Variants in RIC1 observed in about 807,000 individuals in gnomAD.
RIC1 encodes guanine nucleotide exchange factor subunit RIC1.
RIC1 carries 88 observed loss-of-function variants against 169.0 expected under a neutral mutation model. The ratio of observed to expected loss-of-function variants is 0.52; its 90% confidence interval spans 0.44 to 0.62. RIC1 has a LOEUF of 0.62. RIC1 is among the 20% of genes least tolerant of loss of function. RIC1 has a pLI of 0.00. For missense variants in RIC1, 1,877 were observed against 1,725.5 expected, an observed-to-expected ratio of 1.09 and a Z score of -1.56; for synonymous variants, 790 against 601.5, an observed-to-expected ratio of 1.31 and a Z score of -4.59.
At chr9:5,696,173 T>TA (rs1322018314) in intron 3 of RIC1, among the ~76,000 whole-genome samples, 2 of 152,126 alleles carry the variant, frequency 1.3e-5, no homozygotes, top group African/African-American at 4.8e-5. Context: ...CCTTGTCTAT[T>TA]AAAAAAGCTT....
intron 4 of RIC1, 98 bp from the exon 5 acceptor site, chr9:5,720,084 G>C: frequency 2.3e-6 from 2 of 854,314 alleles, no homozygotes; most frequent in South Asian, 2.1e-5. Flanking sequence ...ATGGTTTCAT[G>C]ATCATTTTTG....
intron 19 of RIC1, 146 bp downstream of exon 19, chr9:5,764,014 C>G (rs2131101441): frequency 1.1e-6 from 1 of 921,770 alleles, no homozygotes; most frequent in East Asian, 2.6e-5. Flanking sequence ...AGAATTCAGA[C>G]AGATTCCTTT....
chr9:5,703,430 T>C (rs946365934), intron 3 of RIC1, among the ~76,000 whole-genome samples: 3 of 152,202 alleles, frequency 2.0e-5, no homozygotes, highest in Admixed American at 1.3e-4. Context: ...TCCAGAACTT[T>C]TACATCACTC....
At chr9:5,659,790 T>C in intron 2 of RIC1, among the ~76,000 whole-genome samples, 1 of 152,200 alleles carries the variant, frequency 6.6e-6, no homozygotes, top group African/African-American at 2.4e-5. Context: ...TGGAATTGTT[T>C]TTAAGTTTCC....
chr9:5,740,709 TGATTA>T (rs1224472890), intron 8 of RIC1, among the ~76,000 whole-genome samples: 3 of 151,792 alleles, frequency 2.0e-5, no homozygotes, highest in African/African-American at 7.3e-5. Flanking sequence ...CACTGGCAGC[TGATTA>T]GATTGTGCCC....
At chr9:5,675,255 A>T (rs141206286) in intron 2 of RIC1, among the ~76,000 whole-genome samples, 6 of 152,258 alleles carry the variant, frequency 3.9e-5, no homozygotes, top group African/African-American at 1.4e-4. Context: ...GGAAATTGGA[A>T]TGAGTCAGGG....
chr9:5,673,541 T>TAC (rs955290602), intron 2 of RIC1, among the ~76,000 whole-genome samples: 1 of 143,276 alleles, frequency 7.0e-6, no homozygotes, highest in African/African-American at 2.7e-5. Flanking sequence ...AGGAGATATA[T>TAC]ATATATATAT....
intron 2 of RIC1, among the ~76,000 whole-genome samples, chr9:5,685,467 C>A (rs1416585329): frequency 6.7e-6 from 1 of 149,138 alleles, no homozygotes; most frequent in Admixed American, 6.7e-5. Context: ...TCAGAAATAA[C>A]GCCACATACC....
At chr9:5,730,245 CT>C (rs1470602175) in intron 6 of RIC1, among the ~76,000 whole-genome samples, 1 of 152,056 alleles carries the variant, frequency 6.6e-6, no homozygotes, top group Non-Finnish European at 1.5e-5. Flanking sequence ...CTCCTGAGGA[CT>C]AAAAGAGCTG....
chr9:5,655,694 G>A (rs758788925), intron 1 of RIC1, among the ~76,000 whole-genome samples: 1 of 152,144 alleles, frequency 6.6e-6, no homozygotes, highest in African/African-American at 2.4e-5. Flanking sequence ...GCCTGTTGAT[G>A]TGATGGATTA....
chr9:5,651,072 G>A lies in RIC1; in HGVS notation c.145-5511G>A, dbSNP rs139108881. Among the ~76,000 whole-genome samples, 581 of 152,286 alleles carry A rather than the reference G, an allele frequency of 3.8e-3. 1 individual carries two copies. The highest frequency in any genetic ancestry group is 0.013 in the African/African-American group (556 of 41,546). On this transcript the variant is annotated intron_variant, in intron 1 of 25. Coordinates refer to ENST00000414202, the MANE Select transcript of RIC1 (RefSeq NM_020829.4). ...CAGTGTGAGCTCTCTCTCTGGAGCAGTGTCATCACATGGTCTCTAAGAAGT... is the reference window on the plus strand; with the variant it reads ...CAGTGTGAGCTCTCTCTCTGGAGCAATGTCATCACATGGTCTCTAAGAAGT...
intron 2 of RIC1, among the ~76,000 whole-genome samples, chr9:5,686,492 T>C (rs534933937): frequency 3.0e-4 from 46 of 151,788 alleles, no homozygotes; most frequent in African/African-American, 1.0e-3. Flanking sequence ...ATGGATGAAA[T>C]TGGAAATCAT....
chr9:5,754,732 AAAT>A (rs1431233466), intron 14 of RIC1, 106 bp from the exon 15 acceptor site: 4 of 646,716 alleles, frequency 6.2e-6, no homozygotes, highest in African/African-American at 1.8e-5. Context: ...CTGTCTCAAA[AAAT>A]AATAATAATT....
intron 3 of RIC1, among the ~76,000 whole-genome samples, chr9:5,712,346 A>G (rs565532916): frequency 5.3e-5 from 8 of 152,228 alleles, no homozygotes; most frequent in South Asian, 2.1e-4. Context: ...GCATTTTTTC[A>G]TGTGTCTGTT....
At chr9:5,658,774 C>T (rs1261131576) in intron 2 of RIC1, among the ~76,000 whole-genome samples, 4 of 151,364 alleles carry the variant, frequency 2.6e-5, no homozygotes, top group Non-Finnish European at 5.9e-5. Context: ...TGCCCTCCTC[C>T]ACAGCTGTTA....
At chr9:5,672,201 C>T (rs538840845) in intron 2 of RIC1, among the ~76,000 whole-genome samples, 3 of 152,268 alleles carry the variant, frequency 2.0e-5, no homozygotes, top group African/African-American at 7.2e-5. Flanking sequence ...CAGATACCCA[C>T]ATCAAAGCCT....
At chr9:5,719,180 GGTTGTCT>G (rs1823442625) in intron 4 of RIC1, 1 of 152,046 alleles carries the variant, frequency 6.6e-6, no homozygotes, top group Admixed American at 6.5e-5. Context: ...TGGTTTCCCT[GGTTGTCT>G]TTTTCTTTGT....
In RIC1 at chr9:5,734,702, G is replaced by C. The variant is rs189054426; in HGVS notation, c.812+2223G>C. Reference sequence around the variant, plus strand: ...CACAAACTGCCTCTGCTACTTCCTAGTCACAACTCTTATTCCCTCCTTGAC... The same window carrying C: ...CACAAACTGCCTCTGCTACTTCCTACTCACAACTCTTATTCCCTCCTTGAC... On this transcript the variant is annotated intron_variant, in intron 7 of 25. Coordinates refer to ENST00000414202, the MANE Select transcript of RIC1 (RefSeq NM_020829.4). 9.2e-5 allele frequency among the ~76,000 whole-genome samples: 14 copies of C among 152,184 alleles called. No homozygotes were observed. The East Asian group carries it at 1.9e-3, about 21-fold the overall frequency.
chr9:5,663,333 C>G (rs1455991459), intron 2 of RIC1, among the ~76,000 whole-genome samples: 1 of 152,072 alleles, frequency 6.6e-6, no homozygotes, highest in African/African-American at 2.4e-5. Context: ...CTGTAGATAT[C>G]TGTCAGGTCC....
Sources: gnomAD v4.1 joint callset for allele counts (sites outside exome capture counted in the v4.1 genomes callset) on GRCh38, gnomAD v4.1.1 for gene constraint, MANE v1.5 for transcripts, NCBI Gene and HGNC (gene_info 2026-07-23, HGNC 2026-07-21) for gene names.